The following BRINP1 variants were observed in gnomAD, a reference collection of about 807,000 sequenced individuals.
BRINP1 encodes BMP/retinoic acid-inducible neural-specific protein 1.
In BRINP1, 17 loss-of-function variants were observed where a neutral mutation model predicts 72.9. That is an observed-to-expected ratio of 0.23 (90% confidence interval 0.16 to 0.35). The LOEUF (loss-of-function observed/expected upper bound fraction) is 0.35. Ranked by LOEUF, BRINP1 falls within the 10% of genes least tolerant of loss-of-function variation. The pLI is 1.00. For missense variants in BRINP1, 850 were observed against 1,001.6 expected (o/e 0.85, Z 2.04); for synonymous variants, 418 against 378.5 (o/e 1.10, Z -1.21).
intron 5 of BRINP1, among the ~76,000 whole-genome samples, chr9:119,217,187 A>T (rs1829987153): frequency 6.6e-6 from 1 of 152,126 alleles, no homozygotes; most frequent in Admixed American, 6.6e-5. Flanking sequence ...GGGCGCCTGA[A>T]TCCTGCCTGC....
chr9:119,325,541 C>T (rs1297563716), intron 1 of BRINP1, among the ~76,000 whole-genome samples: 3 of 152,240 alleles, frequency 2.0e-5, no homozygotes, highest in East Asian at 1.9e-4. Flanking sequence ...TTACACTCTT[C>T]CCTTTGCCTT....
chr9:119,265,686 T>G (rs1189025981), intron 2 of BRINP1, among the ~76,000 whole-genome samples: 1 of 152,168 alleles, frequency 6.6e-6, no homozygotes, highest in Non-Finnish European at 1.5e-5. Flanking sequence ...TCAAACTCAG[T>G]TGACCCCATG....
chr9:119,276,254 T>G (rs1830657363), intron 2 of BRINP1, among the ~76,000 whole-genome samples: 1 of 152,222 alleles, frequency 6.6e-6, no homozygotes, highest in African/African-American at 2.4e-5. Context: ...TAATTTATGT[T>G]TAACTATCAA....
chr9:119,318,106 C>G (rs1218873725), intron 1 of BRINP1, among the ~76,000 whole-genome samples: 1 of 152,114 alleles, frequency 6.6e-6, no homozygotes, highest in Non-Finnish European at 1.5e-5. Flanking sequence ...GGGCTGTAAG[C>G]CTTTAACTGG....
rs1395259266 is a variant in BRINP1, at chr9:119,210,663, A to G, written c.923-1722T>C. On this transcript the variant is annotated intron_variant, in intron 6 of 7. Transcript: ENST00000265922. ...AGTACATTAGGAGAAAACAGTAAATAAAAGGTGATAAAAAATAGAAGTCTC... is the reference window on the plus strand; with the variant it reads ...AGTACATTAGGAGAAAACAGTAAATGAAAGGTGATAAAAAATAGAAGTCTC... 3.3e-5 allele frequency among the ~76,000 whole-genome samples: 5 copies of G among 152,296 alleles called. No homozygotes were observed. In the East Asian group the frequency reaches 7.7e-4, roughly 24 times the overall value.
intron 1 of BRINP1, among the ~76,000 whole-genome samples, chr9:119,351,764 A>T (rs1349442660): frequency 6.6e-6 from 1 of 152,038 alleles, no homozygotes; most frequent in East Asian, 1.9e-4. Flanking sequence ...GAGCAAAGTC[A>T]TTATTCCTAT....
At chr9:119,190,376 A>T (rs947857369) in intron 7 of BRINP1, among the ~76,000 whole-genome samples, 2 of 151,578 alleles carry the variant, frequency 1.3e-5, no homozygotes, top group East Asian at 1.9e-4. Context: ...TGGTTCATTG[A>T]CAAACTAAGC....
intron 2 of BRINP1, among the ~76,000 whole-genome samples, chr9:119,267,668 A>AAATAAATG (rs1297433099): frequency 1.5e-5 from 2 of 137,318 alleles, no homozygotes; most frequent in African/African-American, 5.3e-5. Context: ...ATAAATAAAT[A>AAATAAATG]AATAAATAAG....
intron 2 of BRINP1, among the ~76,000 whole-genome samples, chr9:119,262,699 A>G (rs945510309): frequency 1.3e-5 from 2 of 150,598 alleles, no homozygotes; most frequent in Non-Finnish European, 2.9e-5. Context: ...CAAACACTGG[A>G]CTGTGGGCAC....
Position 119,266,386 on chromosome 9 carries a change from A to T in BRINP1, c.219-17236T>A, listed in dbSNP as rs764727054. Among the ~76,000 whole-genome samples the T allele has an allele frequency of 1.2e-4, 18 of 152,324 alleles. 1 individual carries two copies. In the South Asian group the frequency reaches 2.3e-3, roughly 19 times the overall value. ...ACTTTACTGTTATCATTATATATTG[A>T]CAAATTATAGGGTACAAATTGTAGG... On this transcript the variant is annotated intron_variant, in intron 2 of 7. Coordinates refer to ENST00000265922, the MANE Select transcript of BRINP1 (RefSeq NM_014618.3).
chr9:119,174,648 C>T (rs1453921380), intron 7 of BRINP1, among the ~76,000 whole-genome samples: 6 of 149,200 alleles, frequency 4.0e-5, no homozygotes, highest in African/African-American at 1.5e-4. Flanking sequence ...AATCATGCTG[C>T]TATAAAGACA....
At chr9:119,354,000 G>C (rs969734739) in intron 1 of BRINP1, among the ~76,000 whole-genome samples, 1 of 151,846 alleles carries the variant, frequency 6.6e-6, no homozygotes, top group South Asian at 2.1e-4. Context: ...ACTAGGGAGA[G>C]AATGAGGGAG....
intron 2 of BRINP1, among the ~76,000 whole-genome samples, chr9:119,292,831 AT>A (rs930205054): frequency 6.6e-6 from 1 of 152,166 alleles, no homozygotes; most frequent in Non-Finnish European, 1.5e-5. Context: ...GTATGTTTGT[AT>A]TTTACAGCGG....
intron 2 of BRINP1, among the ~76,000 whole-genome samples, chr9:119,291,854 T>C (rs778715212): frequency 6.6e-6 from 1 of 152,174 alleles, no homozygotes; most frequent in Non-Finnish European, 1.5e-5. Context: ...GCATAATAGG[T>C]ACAGCCATGA....
At chr9:119,215,520 G>C (rs1028736406) in intron 5 of BRINP1, among the ~76,000 whole-genome samples, 1 of 152,092 alleles carries the variant, frequency 6.6e-6, no homozygotes, top group African/African-American at 2.4e-5. Context: ...TTCTTATTTG[G>C]ATTATTTTTT....
At chr9:119,250,733 C>A (rs1302887439) in intron 2 of BRINP1, among the ~76,000 whole-genome samples, 1 of 152,146 alleles carries the variant, frequency 6.6e-6, no homozygotes, top group African/African-American at 2.4e-5. Flanking sequence ...TGCTCAGTAA[C>A]AATCACAGTT....
rs141302704 is a variant in BRINP1 at position 119,207,983 on chromosome 9, G to A, written c.1145+736C>T. On this transcript the variant is annotated intron_variant, in intron 7 of 7. Coordinates refer to ENST00000265922, the MANE Select transcript of BRINP1 (RefSeq NM_014618.3). ...ACCAGCTGCAGATCAGAAATGCCCC[G>A]GAAGAATAGAGTCCAAAAAACCTGG... is the stretch of plus-strand genomic sequence containing the variant. Among the ~76,000 whole-genome samples, 530 of 152,224 alleles carry A rather than the reference G, an allele frequency of 3.5e-3. 2 individuals carry two copies. Among genetic ancestry groups the A allele is most frequent in the African/African-American group, 0.012 (483 of 41,552 alleles).
intron 1 of BRINP1, among the ~76,000 whole-genome samples, chr9:119,324,339 TTC>T (rs1831217856): frequency 6.6e-6 from 1 of 152,216 alleles, no homozygotes; most frequent in Admixed American, 6.5e-5. Context: ...GCACAGTGGG[TTC>T]TGTTTTTCCT....
intron 1 of BRINP1, among the ~76,000 whole-genome samples, chr9:119,364,255 A>G (rs1256201791): frequency 6.6e-6 from 1 of 152,208 alleles, no homozygotes; most frequent in Non-Finnish European, 1.5e-5. Flanking sequence ...TTTCAGAGAC[A>G]TATGGATAGA....
Sources: allele counts gnomAD v4.1 joint callset (sites outside exome capture counted in the v4.1 genomes callset), GRCh38; gene constraint gnomAD v4.1.1; transcripts MANE v1.5; gene names NCBI Gene and HGNC (gene_info 2026-07-23, HGNC 2026-07-21).